The following SCTR variants were observed in gnomAD, a reference collection of about 807,000 sequenced individuals.
The protein encoded by SCTR is secretin receptor.
SCTR carries 56 observed loss-of-function variants against 60.8 expected under a neutral mutation model. That is an observed-to-expected ratio of 0.92 (90% CI 0.74 to 1.15). The LOEUF (loss-of-function observed/expected upper bound fraction) is 1.15, where lower values mean the gene tolerates loss of function less well. Ranked by LOEUF, SCTR falls within the 50% of genes most tolerant of loss-of-function variation. The pLI is 0.00. For synonymous variants in SCTR, 202 were observed against 217.0 expected (o/e 0.93, Z 0.61); for missense variants, 562 against 550.4 (o/e 1.02, Z -0.21).
At chr2:119,452,112 CAGGAGCTGT>C in intron 8 of SCTR, 33 bp from the exon 9 acceptor site, 1 of 1,440,314 alleles carries the variant, frequency 6.9e-7, no homozygotes, top group Non-Finnish European at 9.7e-7. Flanking sequence ...TGGTTATGAG[CAGGAGCTGT>C]GGGAGCTGGG....
chr2:119,502,562 G>A (rs867346605), intron 1 of SCTR, among the ~76,000 whole-genome samples: 72 of 152,132 alleles, frequency 4.7e-4, no homozygotes, highest in African/African-American at 1.7e-3. Flanking sequence ...CCTAAAAGAG[G>A]TGTTTTTTTT....
chr2:119,495,369 G>A (rs1407614694), intron 1 of SCTR: 2 of 152,306 alleles, frequency 1.3e-5, no homozygotes, highest in African/African-American at 4.8e-5. Context: ...GAGTTGGACA[G>A]GAGAGTGGAG....
chr2:119,467,380 A>T (rs1189804392), intron 4 of SCTR, among the ~76,000 whole-genome samples: 1 of 152,182 alleles, frequency 6.6e-6, no homozygotes, highest in Non-Finnish European at 1.5e-5. Flanking sequence ...CTCAAAAAAA[A>T]AAAAAAATTG....
chr2:119,458,138 A>T (rs1427376798), intron 7 of SCTR, among the ~76,000 whole-genome samples: 4 of 151,916 alleles, frequency 2.6e-5, no homozygotes, highest in Non-Finnish European at 5.9e-5. Context: ...TACAAAAAAT[A>T]AAAATAAGTA....
At chr2:119,481,450 G>A (rs1465325148) in intron 2 of SCTR, among the ~76,000 whole-genome samples, 3 of 152,196 alleles carry the variant, frequency 2.0e-5, no homozygotes, top group Non-Finnish European at 4.4e-5. Flanking sequence ...CCAGACCCAG[G>A]AATCTGCATT....
In SCTR at chr2:119,461,848, C is replaced by T. The variant is rs868374698; in HGVS notation, c.789G>A (p.Trp263Ter). Residue 263 changes from tryptophan to a stop codon, truncating the protein, a stop_gained and splice_region_variant, in exon 7 of 13, where the codon TGG becomes TGA. Transcript: ENST00000019103. LOFTEE classifies it high-confidence loss of function. ...KYLQGFVAFG[W>*]GSPAIFVALW... ...TATCAGACCCAGGGAGAAACATACC[C>T]CATCCGAATGCCACAAATCCCTGGA... 1.2e-6 allele frequency: 2 copies of T among 1,611,500 alleles called. No individual in the cohort carries two copies. Among genetic ancestry groups the T allele is most frequent in the East Asian group, 4.5e-5 (2 of 44,866 alleles).
intron 11 of SCTR, among the ~76,000 whole-genome samples, chr2:119,443,365 G>A (rs1195769589): frequency 1.3e-5 from 2 of 152,148 alleles, no homozygotes; most frequent in Admixed American, 6.5e-5. Context: ...CCAATTATGT[G>A]TGTGTATCTT....
At chr2:119,477,161 T>A (rs1159622385) in intron 3 of SCTR, among the ~76,000 whole-genome samples, 1 of 152,212 alleles carries the variant, frequency 6.6e-6, no homozygotes, top group Non-Finnish European at 1.5e-5. Flanking sequence ...ATCCCGGGGC[T>A]GACTGGCACC....
chr2:119,483,505 G>A (rs972515062), intron 2 of SCTR, among the ~76,000 whole-genome samples: 22 of 152,262 alleles, frequency 1.4e-4, no homozygotes, highest in Admixed American at 1.4e-3. Context: ...ACACTGCCTT[G>A]TTCTCTCCCA....
chr2:119,451,464 T>G (rs1043508871), intron 9 of SCTR, among the ~76,000 whole-genome samples: 1 of 152,164 alleles, frequency 6.6e-6, no homozygotes, highest in Non-Finnish European at 1.5e-5. Context: ...GCCACCAGGG[T>G]TGACACTCAC....
intron 9 of SCTR, among the ~76,000 whole-genome samples, chr2:119,451,311 C>A (rs1014762428): frequency 1.3e-5 from 2 of 152,214 alleles, no homozygotes; most frequent in African/African-American, 4.8e-5. Context: ...TATGCTGAAC[C>A]ATACCCATGG....
chr2:119,447,310 A>G (rs1287073005), intron 10 of SCTR, among the ~76,000 whole-genome samples: 1 of 152,214 alleles, frequency 6.6e-6, no homozygotes, highest in Non-Finnish European at 1.5e-5. Flanking sequence ...TGCCAAACTT[A>G]GCAAATAAAA....
intron 1 of SCTR, among the ~76,000 whole-genome samples, chr2:119,523,410 T>C (rs1343129873): frequency 4.8e-5 from 7 of 146,256 alleles, no homozygotes; most frequent in African/African-American, 1.7e-4. Flanking sequence ...ATTATTATTA[T>C]TATTATTATT....
rs1379428418 is a variant in SCTR, at chr2:119,521,778, C to A, written c.72+2377G>T. Among the ~76,000 whole-genome samples, 4 of 152,056 alleles carry A rather than the reference C, an allele frequency of 2.6e-5. No homozygotes were observed. In the East Asian group the frequency reaches 7.7e-4, roughly 29 times the overall value. Reference sequence around the variant, plus strand: ...TTTGAACACACTTAGATTTCAAAATCAAATGTGTGACCACCCAGAGTCAAA... The same window carrying A: ...TTTGAACACACTTAGATTTCAAAATAAAATGTGTGACCACCCAGAGTCAAA... On this transcript the variant is annotated intron_variant, in intron 1 of 12. Coordinates refer to ENST00000019103, the MANE Select transcript of SCTR (RefSeq NM_002980.3).
chr2:119,503,158 C>CAA (rs61479294), intron 1 of SCTR, among the ~76,000 whole-genome samples: 89 of 69,552 alleles, frequency 1.3e-3, no homozygotes, highest in African/African-American at 2.5e-3. Flanking sequence ...GACTCCATCT[C>CAA]AAAAAAAAAA....
At chr2:119,498,002 G>A (rs1417261890) in intron 1 of SCTR, among the ~76,000 whole-genome samples, 3 of 152,014 alleles carry the variant, frequency 2.0e-5, no homozygotes, top group Admixed American at 6.6e-5. Context: ...CCCAAATTTG[G>A]CAAGAGACAT....
intron 1 of SCTR, among the ~76,000 whole-genome samples, chr2:119,519,589 G>A (rs1338871871): frequency 6.6e-6 from 1 of 151,746 alleles, no homozygotes; most frequent in African/African-American, 2.4e-5. Flanking sequence ...GGTGGATCAC[G>A]AGGTCAGGAG....
intron 2 of SCTR, among the ~76,000 whole-genome samples, chr2:119,492,626 A>G (rs1051225811): frequency 2.6e-5 from 4 of 152,176 alleles, no homozygotes; most frequent in Non-Finnish European, 4.4e-5. Context: ...TCATAATAAA[A>G]TATTGTGGAA....
chr2:119,469,546 A>G (rs137942582), intron 4 of SCTR, among the ~76,000 whole-genome samples: 1 of 152,252 alleles, frequency 6.6e-6, no homozygotes, highest in East Asian at 1.9e-4. Flanking sequence ...GCTGGAGTAC[A>G]GTAGCACGAT....
Sources: gnomAD v4.1 joint callset for allele counts (sites outside exome capture counted in the v4.1 genomes callset) on GRCh38, gnomAD v4.1.1 for gene constraint, MANE v1.5 for transcripts, NCBI Gene and HGNC (gene_info 2026-07-23, HGNC 2026-07-21) for gene names.